Variants in MYH10 observed in about 807,000 individuals in gnomAD.
MYH10 encodes myosin-10.
MYH10 carries 55 observed loss-of-function variants against 257.8 expected under a neutral mutation model. The ratio of observed to expected loss-of-function variants is 0.21; its 90% CI spans 0.17 to 0.27. The LOEUF is 0.27. Among genes scored for constraint, MYH10 ranks in the 10% least tolerant of loss-of-function variants. The pLI is 1.00. For synonymous variants in MYH10, 854 were observed against 921.7 expected (o/e 0.93, Z 1.33); for missense variants, 1,631 against 2,500.6 (o/e 0.65, Z 7.42).
chr17:8,564,200 C>T (rs1035179018), intron 7 of MYH10, among the ~76,000 whole-genome samples: 31 of 152,138 alleles, frequency 2.0e-4, no homozygotes, highest in African/African-American at 7.2e-4. Flanking sequence ...AAACCATATG[C>T]TAGTATCTTT....
At chr17:8,475,978 G>C (rs1247462087) in intron 42 of MYH10, 30 bp from the exon 43 acceptor site, 1 of 1,601,458 alleles carries the variant, frequency 6.2e-7, no homozygotes, top group Admixed American at 1.7e-5. Flanking sequence ...GATGTGTGTG[G>C]GTAAACAGAC....
At position 8,545,692 on chromosome 17, in the gene MYH10, C is replaced by A; in HGVS notation, c.1279-92G>T. 2 of 1,305,550 alleles carry A rather than the reference C, an allele frequency of 1.5e-6. No homozygotes were observed. Among genetic ancestry groups the A allele is most frequent in the East Asian group, 2.4e-5 (1 of 41,152 alleles). 80.9% of individuals were successfully genotyped at this position (1,305,550 alleles called of 1,614,324 possible). A position where few individuals can be genotyped will look rare whatever the true frequency, so the allele number is the denominator to read the frequency against. On this transcript the variant is annotated intron_variant, in intron 12 of 42. Transcript: ENST00000360416. The surrounding 1 kb of genome is among the most constrained non-coding windows in gnomAD (Gnocchi z 4.7). ...ACGGAATTTAATGTTATACAGCACT[C>A]AAAAAACCTGAGATGGCATTCACTG...
intron 37 of MYH10, among the ~76,000 whole-genome samples, chr17:8,483,581 T>C (rs543836797): frequency 2.6e-5 from 4 of 152,286 alleles, no homozygotes; most frequent in Non-Finnish European, 5.9e-5. Context: ...TTTGAAGAAA[T>C]GTTGATTATC....
intron 21 of MYH10, among the ~76,000 whole-genome samples, chr17:8,517,716 C>T (rs1378428169): frequency 2.0e-5 from 3 of 152,204 alleles, no homozygotes; most frequent in Non-Finnish European, 4.4e-5. Flanking sequence ...TGGATTCTGC[C>T]TACCGCAGCC....
chr17:8,549,254 A>G lies in MYH10; in HGVS notation c.920-467T>C, dbSNP rs563279587. ...TACCATGGACATAAGCTAAAGATAC[A>G]GTGATGTGGACCAAGCACGTCCCGA... is the stretch of plus-strand genomic sequence containing the variant. On this transcript the variant is annotated intron_variant, in intron 9 of 42. Transcript: ENST00000360416. Among the ~76,000 whole-genome samples the G allele has an allele frequency of 3.2e-4, 48 of 152,366 alleles. 1 individual carries two copies. The South Asian group carries it at 9.9e-3, about 32-fold the overall frequency.
chr17:8,506,274 C>A lies in MYH10; in HGVS notation c.3386+44G>T. On this transcript the variant is annotated intron_variant, in intron 27 of 42. Transcript: ENST00000360416. The surrounding 1 kb of genome is among the most constrained non-coding windows in gnomAD (Gnocchi z 5.0). ...GAACATAACAAAGTCTGCTGAAACT[C>A]AGCCCCATGGGCTCCCGTGCAGCGC... 6.6e-7 allele frequency: 1 copy of A among 1,523,682 alleles called. No individual in the cohort carries two copies. Among genetic ancestry groups the A allele is most frequent in the Non-Finnish European group, 8.7e-7 (1 of 1,144,570 alleles). 94.4% of individuals were successfully genotyped at this position (1,523,682 alleles called of 1,614,324 possible).
In MYH10 at chr17:8,535,514, A is replaced by G. The variant is rs1451408702; in HGVS notation, c.1780-13T>C. On this transcript the variant is annotated splice_polypyrimidine_tract_variant and intron_variant, in intron 15 of 42. Coordinates refer to ENST00000360416, the MANE Select transcript of MYH10 (RefSeq NM_001256012.3). The surrounding 1 kb of genome is among the most constrained non-coding windows in gnomAD (Gnocchi z 4.3). ...CCTTATAGTCCACCTATCCCGCACC[A>G]AAGCCAAAAGTGGTGAAATGGAGAA... 3 of 1,586,690 alleles carry G rather than the reference A, an allele frequency of 1.9e-6. No homozygotes were observed. The highest frequency in any genetic ancestry group is 2.2e-5 in the East Asian group (1 of 44,632).
intron 28 of MYH10, among the ~76,000 whole-genome samples, chr17:8,501,300 C>T (rs1031903306): frequency 6.6e-6 from 1 of 151,860 alleles, no homozygotes; most frequent in African/African-American, 2.4e-5. Flanking sequence ...AAAAAAAAAC[C>T]AAAAAAACAA....
In MYH10 at chr17:8,578,419, T is replaced by G. The variant is rs946504817; in HGVS notation, c.531-1081A>C. 2.0e-5 allele frequency among the ~76,000 whole-genome samples: 3 copies of G among 152,090 alleles called. No homozygotes were observed. In the East Asian group the frequency reaches 5.8e-4, roughly 29 times the overall value. On this transcript the variant is annotated intron_variant, in intron 4 of 42. Transcript: ENST00000360416. Reference sequence around the variant, plus strand: ...CACCACGCCTGGCTAAGTTTTTGTATTTTTAGTAGAGACAGGGTCTAGCCA... The same window carrying G: ...CACCACGCCTGGCTAAGTTTTTGTAGTTTTAGTAGAGACAGGGTCTAGCCA...
chr17:8,508,741 C>A, intron 25 of MYH10, 64 bp from the exon 26 acceptor site: 2 of 1,593,762 alleles, frequency 1.3e-6, no homozygotes, highest in Non-Finnish European at 1.7e-6. Context: ...GTTCTGTATT[C>A]CTCATAAAGG....
chr17:8,551,758 C>T (rs145188800), intron 9 of MYH10, among the ~76,000 whole-genome samples: 107 of 152,046 alleles, frequency 7.0e-4, no homozygotes, highest in Non-Finnish European at 1.3e-3. Context: ...TATTTTAAAA[C>T]GTTGAAACAG....
At chr17:8,600,305 T>C (rs1428046400) in intron 3 of MYH10, among the ~76,000 whole-genome samples, 1 of 152,062 alleles carries the variant, frequency 6.6e-6, no homozygotes, top group African/African-American at 2.4e-5. Context: ...GTGAAGGGTG[T>C]TGTTAACATA....
chr17:8,590,323 C>CT (rs1024576738), intron 3 of MYH10, among the ~76,000 whole-genome samples: 1 of 151,936 alleles, frequency 6.6e-6, no homozygotes. Context: ...TTTTCTTTTT[C>CT]TTTTTTTCAG....
At chr17:8,580,621 ATTTT>A in intron 4 of MYH10, among the ~76,000 whole-genome samples, 1 of 152,166 alleles carries the variant, frequency 6.6e-6, no homozygotes, top group Admixed American at 6.5e-5. Flanking sequence ...CTTTTTAATA[ATTTT>A]TGTTCCTATC....
chr17:8,574,261 T>C (rs2083433860), intron 6 of MYH10, among the ~76,000 whole-genome samples: 1 of 152,216 alleles, frequency 6.6e-6, no homozygotes, highest in Non-Finnish European at 1.5e-5. Context: ...TATATTATGC[T>C]AAAAGAAAGA....
chr17:8,490,673 GC>G lies in MYH10; in HGVS notation c.4672-122del. ...TGGCCACTTTGGTCCCCCTGGGCCG[GC>G]CCCCTGCCACATGCATACACATCCT... is the stretch of plus-strand genomic sequence containing the variant. On this transcript the variant is annotated intron_variant, in intron 34 of 42. Transcript: ENST00000360416. The surrounding 1 kb of genome is among the most constrained non-coding windows in gnomAD (Gnocchi z 4.1). 3 of 863,884 alleles carry G rather than the reference GC, an allele frequency of 3.5e-6. No individual in the cohort carries two copies. The highest frequency in any genetic ancestry group is 1.7e-5 in the African/African-American group (1 of 60,112). The allele number at this position is 863,884 out of a possible 1,614,324, so 53.5% of individuals were successfully genotyped here. A position where few individuals can be genotyped will look rare whatever the true frequency, so the allele number is the denominator to read the frequency against.
chr17:8,538,734 C>T (rs920305198), intron 14 of MYH10, among the ~76,000 whole-genome samples: 23 of 152,170 alleles, frequency 1.5e-4, no homozygotes, highest in Non-Finnish European at 2.6e-4. Context: ...AAAGAAGGAA[C>T]GAGTTACCTA....
chr17:8,492,138 C>T (rs757124723), intron 34 of MYH10, among the ~76,000 whole-genome samples, 159 bp downstream of exon 34: 13 of 152,376 alleles, frequency 8.5e-5, no homozygotes, highest in South Asian at 2.1e-4. Context: ...GAACCCCGTA[C>T]GCATGCACAG....
chr17:8,495,232 C>G lies in MYH10; in HGVS notation c.3961G>C (p.Asp1321His). ...EKASKLQNEL[D>H]NVSTLLEEAE... ...TCTTCCAGAAGGGTGGAGACATTATCTAGCTCATTCTGTAAGGAGCAGAAG... is the reference window on the plus strand; with the variant it reads ...TCTTCCAGAAGGGTGGAGACATTATGTAGCTCATTCTGTAAGGAGCAGAAG... The change falls in exon 31 of 43, where the codon GAT (aspartate) becomes CAT (histidine). Residue 1321 changes from aspartate (D) to histidine (H), a missense_variant. This residue lies in a region of MYH10 where 463 missense variants were observed against 621.8 expected (regional missense o/e 0.74). Coordinates refer to ENST00000360416, the MANE Select transcript of MYH10 (RefSeq NM_001256012.3). 1 of 1,602,856 alleles carries G rather than the reference C, an allele frequency of 6.2e-7. No individual in the cohort carries two copies. Among genetic ancestry groups the G allele is most frequent in the Non-Finnish European group, 8.5e-7 (1 of 1,170,286 alleles).
Sources: allele counts gnomAD v4.1 joint callset (sites outside exome capture counted in the v4.1 genomes callset), GRCh38; gene constraint gnomAD v4.1.1; regional missense constraint gnomAD v4.1.1; non-coding constraint Gnocchi (gnomAD v3.1); transcripts MANE v1.5; gene names NCBI Gene and HGNC (gene_info 2026-07-23, HGNC 2026-07-21).